The following GHRH variants were observed in gnomAD, a reference collection of about 807,000 sequenced individuals.
The protein encoded by GHRH is somatoliberin.
GHRH carries 7 observed loss-of-function variants against 15.6 expected under a neutral mutation model. That is an observed-to-expected ratio of 0.45 (90% CI 0.26 to 0.84). The LOEUF (loss-of-function observed/expected upper bound fraction) is 0.84. GHRH is among the 40% of genes least tolerant of loss of function. GHRH has a pLI of 0.18. For missense variants in GHRH, 117 were observed against 138.0 expected, an observed-to-expected ratio of 0.85 and a Z score of 0.76; for synonymous variants, 54 against 50.4, an observed-to-expected ratio of 1.07 and a Z score of -0.30.
intron 4 of GHRH, among the ~76,000 whole-genome samples, 177 bp from the exon 5 acceptor site, chr20:37,251,408 G>C (rs1046064649): frequency 2.0e-5 from 3 of 152,052 alleles, no homozygotes; most frequent in Non-Finnish European, 4.4e-5. Context: ...GCGAGTCCCA[G>C]GCTTAGCCCC....
chr20:37,259,706 T>C (rs2068677538), intron 1 of GHRH, among the ~76,000 whole-genome samples: 1 of 152,188 alleles, frequency 6.6e-6, no homozygotes, highest in South Asian at 2.1e-4. Context: ...ACTCTCCCTC[T>C]GGAGCAGGCA....
chr20:37,254,139 C>G, intron 4 of GHRH, 71 bp downstream of exon 4: 1 of 1,554,492 alleles, frequency 6.4e-7, no homozygotes. Flanking sequence ...TGGATTTTTT[C>G]CTTTTCCTGG....
At chr20:37,256,625 C>A (rs113430205) in intron 2 of GHRH, 127 bp from the exon 3 acceptor site, 2 of 729,964 alleles carry the variant, frequency 2.7e-6, no homozygotes, top group South Asian at 1.8e-5. Flanking sequence ...CCAAGAGAGA[C>A]TCAGACCCCT....
chr20:37,259,271 TA>T (rs1358565901), intron 1 of GHRH, among the ~76,000 whole-genome samples: 1 of 152,212 alleles, frequency 6.6e-6, no homozygotes, highest in Admixed American at 6.5e-5. Context: ...ATGTCTGACT[TA>T]AGCTTTTGTT....
In GHRH at chr20:37,261,521, C is replaced by T. The variant is rs189846772; in HGVS notation, c.-20+222G>A. 7.6e-4 allele frequency among the ~76,000 whole-genome samples: 116 copies of T among 152,318 alleles called. 2 individuals carry two copies. Among genetic ancestry groups the T allele is most frequent in the Admixed American group, 7.5e-3 (115 of 15,296 alleles). On this transcript the variant is annotated intron_variant, in intron 1 of 4. Coordinates refer to ENST00000373614, the MANE Select transcript of GHRH (RefSeq NM_021081.6). ...ACAGACACCTGGAGCCAGTCCGCCA[C>T]GCGCCCAAGTTAAGACAAGCCCCAA... is the stretch of plus-strand genomic sequence containing the variant.
rs1321249365 is a variant in GHRH at position 37,251,215 on chromosome 20, A to G, written c.325T>C (p.Ter109ArgextTer5). The change falls in exon 5 of 5, where the codon TGA becomes CGA. Residue 109 changes from the stop codon to arginine, a stop_lost. Transcript: ENST00000373614. ...AGCCCGGGTCACAGGAGGAATCTTC[A>G]TCCCTGGGAGTTCCTGCTGCAGAAA... ...LQKHSRNSQG[*>R] The G allele has an allele frequency of 3.1e-6, 5 of 1,600,684 alleles. No individual in the cohort carries two copies. Among genetic ancestry groups the G allele is most frequent in the Non-Finnish European group, 4.3e-6 (5 of 1,174,090 alleles).
chr20:37,254,518 A>G (rs755865752), intron 3 of GHRH, among the ~76,000 whole-genome samples, 189 bp from the exon 4 acceptor site: 11 of 152,136 alleles, frequency 7.2e-5, no homozygotes, highest in Non-Finnish European at 1.5e-4. Flanking sequence ...ACAGTTGCAA[A>G]ACGTCTCCCC....
chr20:37,256,213 G>A (rs998704562), intron 3 of GHRH, among the ~76,000 whole-genome samples, 181 bp downstream of exon 3: 2 of 152,198 alleles, frequency 1.3e-5, no homozygotes, highest in African/African-American at 2.4e-5. Context: ...GAAGAGACAC[G>A]TGGTAGGCAT....
chr20:37,256,233 T>C (rs2068655036), intron 3 of GHRH, among the ~76,000 whole-genome samples, 161 bp downstream of exon 3: 1 of 152,000 alleles, frequency 6.6e-6, no homozygotes, highest in South Asian at 2.1e-4. Flanking sequence ...TGGAGGTAAG[T>C]TGAGGTTTAA....
At chr20:37,257,292 A>G (rs2068663062) in intron 1 of GHRH, among the ~76,000 whole-genome samples, 1 of 152,104 alleles carries the variant, frequency 6.6e-6, no homozygotes, top group Non-Finnish European at 1.5e-5. Context: ...AGGTGGGCGG[A>G]TCACCTGAGG....
chr20:37,259,995 G>A (rs2068679214), intron 1 of GHRH, among the ~76,000 whole-genome samples: 1 of 152,176 alleles, frequency 6.6e-6, no homozygotes, highest in East Asian at 1.9e-4. Context: ...GGGCCTCTGG[G>A]GAAGAAAGAA....
chr20:37,257,799 G>T (rs183384029), intron 1 of GHRH, among the ~76,000 whole-genome samples: 2 of 152,150 alleles, frequency 1.3e-5, no homozygotes, highest in African/African-American at 4.8e-5. Flanking sequence ...CTCCTACTTC[G>T]GCTCCTGGAA....
At chr20:37,252,754 A>G (rs2068629084) in intron 4 of GHRH, among the ~76,000 whole-genome samples, 1 of 149,186 alleles carries the variant, frequency 6.7e-6, no homozygotes, top group African/African-American at 2.5e-5. Context: ...AGTACAAAAA[A>G]TTAGCCGGGC....
At chr20:37,251,937 T>C (rs1600869155) in intron 4 of GHRH, among the ~76,000 whole-genome samples, 1 of 152,332 alleles carries the variant, frequency 6.6e-6, no homozygotes. Context: ...TCCTGCCAGC[T>C]CTGCGGGCTC....
Position 37,252,599 on chromosome 20 carries a change from T to C in GHRH, c.309-1368A>G, listed in dbSNP as rs535295850. ...TTGGCCAGCATGGTGAAACCCCATC[T>C]CTACTAAAAGTACAAAAAATTAGCC... On this transcript the variant is annotated intron_variant, in intron 4 of 4. Transcript: ENST00000373614. Among the ~76,000 whole-genome samples, 308 of 151,288 alleles carry C rather than the reference T, an allele frequency of 2.0e-3. 1 individual carries two copies. The highest frequency in any genetic ancestry group is 3.6e-3 in the Non-Finnish European group (247 of 67,894).
At chr20:37,261,169 A>G (rs1039948877) in intron 1 of GHRH, among the ~76,000 whole-genome samples, 1 of 152,234 alleles carries the variant, frequency 6.6e-6, no homozygotes, top group Non-Finnish European at 1.5e-5. Flanking sequence ...ATGGTGAAAG[A>G]CACAAATACT....
chr20:37,252,386 C>T (rs549856485), intron 4 of GHRH, among the ~76,000 whole-genome samples: 102 of 152,262 alleles, frequency 6.7e-4, no homozygotes, highest in Middle Eastern at 6.8e-3. Flanking sequence ...GGCCATGGAG[C>T]GCTCTGCTGG....
chr20:37,255,385 G>C, intron 3 of GHRH, among the ~76,000 whole-genome samples: 1 of 152,106 alleles, frequency 6.6e-6, no homozygotes, highest in Non-Finnish European at 1.5e-5. Context: ...CTGGGCCAGG[G>C]CGCAATGGCT....
At chr20:37,254,636 A>G (rs958434010) in intron 3 of GHRH, among the ~76,000 whole-genome samples, 2 of 152,112 alleles carry the variant, frequency 1.3e-5, no homozygotes, top group African/African-American at 4.8e-5. Context: ...TCCACCAATA[A>G]TGGCACAAAT....
Sources: gnomAD v4.1 joint callset for allele counts (sites outside exome capture counted in the v4.1 genomes callset) on GRCh38, gnomAD v4.1.1 for gene constraint, MANE v1.5 for transcripts, NCBI Gene and HGNC (gene_info 2026-07-23, HGNC 2026-07-21) for gene names.